Variants in REV3L observed in about 807,000 individuals in gnomAD.
The protein encoded by REV3L is DNA polymerase zeta catalytic subunit.
A neutral mutation model predicts 299.4 loss-of-function variants in REV3L; 69 were observed. The ratio of observed to expected loss-of-function variants is 0.23; its 90% CI spans 0.19 to 0.28. The LOEUF is 0.28. Among genes scored for constraint, REV3L ranks in the 10% least tolerant of loss-of-function variants. REV3L has a pLI of 1.00. For synonymous variants in REV3L, 1,238 were observed against 1,271.4 expected (o/e 0.97, Z 0.56); for missense variants, 3,128 against 3,693.8 (o/e 0.85, Z 3.97).
chr6:111,299,657 A>C lies in REV3L; in HGVS notation c.*359T>G, dbSNP rs2114663187. 6.2e-6 allele frequency: 1 copy of C among 160,502 alleles called. No homozygotes were observed. The highest frequency in any genetic ancestry group is 1.8e-4 in the East Asian group (1 of 5,530). 9.9% of individuals were successfully genotyped at this position (160,502 alleles called of 1,614,324 possible). A position where few individuals can be genotyped will look rare whatever the true frequency, so the allele number is the denominator to read the frequency against. ...TAACACGTCTTGATACAGACAGTTCAAGGAAAACACACAAATGCTTTTTCT... is the reference window on the plus strand; with the variant it reads ...TAACACGTCTTGATACAGACAGTTCCAGGAAAACACACAAATGCTTTTTCT... On this transcript the variant is annotated 3_prime_UTR_variant, in exon 32 of 32. Transcript: ENST00000368802.
chr6:111,483,194 C>T lies in REV3L; in HGVS notation c.-306G>A, dbSNP rs2128352072. The T allele has an allele frequency of 4.1e-6, 2 of 482,392 alleles. No homozygotes were observed. The highest frequency in any genetic ancestry group is 7.2e-6 in the Non-Finnish European group (2 of 277,680). The allele number at this position is 482,392 out of a possible 1,614,324, so 29.9% of individuals were successfully genotyped here. On this transcript the variant is annotated 5_prime_UTR_variant, in exon 1 of 32. Coordinates refer to ENST00000368802, the MANE Select transcript of REV3L (RefSeq NM_001372078.1). ...GGCTCCTCGGTCCCAGGCTGCAGCT[C>T]TTGTTGCCATGATGATGATGTCACG...
In REV3L at chr6:111,482,730, CGCGCCCG is replaced by C. The variant is rs764479140; in HGVS notation, c.139+13_139+19del. The C allele has an allele frequency of 1.4e-5, 19 of 1,335,996 alleles. No homozygotes were observed. Among genetic ancestry groups the C allele is most frequent in the Non-Finnish European group, 1.7e-5 (18 of 1,035,990 alleles). 82.8% of individuals were successfully genotyped at this position (1,335,996 alleles called of 1,614,324 possible). ...GCCCCGCCGACTCCCGCTCCCGCCC[CGCGCCCG>C]GCGCCCGCTTACCTGCCGGGGTCGC... On this transcript the variant is annotated intron_variant, in intron 1 of 31. Coordinates refer to ENST00000368802, the MANE Select transcript of REV3L (RefSeq NM_001372078.1).
At chr6:111,393,795 T>A (rs1228077047) in intron 4 of REV3L, among the ~76,000 whole-genome samples, 1 of 152,122 alleles carries the variant, frequency 6.6e-6, no homozygotes, top group Admixed American at 6.5e-5. Context: ...GCCTCCCATG[T>A]AGCTGAGACT....
intron 18 of REV3L, 57 bp from the exon 19 acceptor site, chr6:111,351,848 G>T: frequency 8.6e-7 from 1 of 1,157,022 alleles, no homozygotes; most frequent in Non-Finnish European, 1.3e-6. Context: ...CCTTTAACCA[G>T]AATAATTGTT....
intron 1 of REV3L, among the ~76,000 whole-genome samples, chr6:111,452,743 A>C (rs913871944): frequency 2.0e-5 from 3 of 152,218 alleles, no homozygotes; most frequent in African/African-American, 7.2e-5. Context: ...ATGACGGCAT[A>C]CGTTTGTCAT....
intron 1 of REV3L, among the ~76,000 whole-genome samples, chr6:111,474,605 G>A (rs1255421528): frequency 1.3e-5 from 2 of 152,106 alleles, no homozygotes; most frequent in South Asian, 2.1e-4. Flanking sequence ...GAACCCCAAC[G>A]CCTTCCTTCA....
Position 111,309,993 on chromosome 6 carries a change from G to A in REV3L, c.8902C>T (p.Arg2968Cys), listed in dbSNP as rs140606020. ...GGGTCCTGCAGGACTTCCACTGGGCGCCTTACAAGCTGGATAAGTGGTACT... is the reference window on the plus strand; with the variant it reads ...GGGTCCTGCAGGACTTCCACTGGGCACCTTACAAGCTGGATAAGTGGTACT... ...PGVPLIQLVR[R>C]PVEVLQDPTL... The change falls in exon 30 of 32, where the codon CGC (arginine) becomes TGC (cysteine). Residue 2968 changes from arginine (R) to cysteine (C), a missense_variant. Arg to Cys is a radical substitution (Grantham distance 180, BLOSUM62 -3). Around this residue, in one of 9 missense-constraint regions of REV3L, gnomAD observed 294 missense variants for 377.0 expected, o/e 0.78. Coordinates refer to ENST00000368802, the MANE Select transcript of REV3L (RefSeq NM_001372078.1). 6.2e-6 allele frequency: 10 copies of A among 1,613,672 alleles called. No homozygotes were observed. The highest frequency in any genetic ancestry group is 1.6e-4 in the Middle Eastern group (1 of 6,084).
intron 3 of REV3L, among the ~76,000 whole-genome samples, chr6:111,409,652 G>A (rs1420294945): frequency 6.6e-6 from 1 of 152,152 alleles, no homozygotes; most frequent in Non-Finnish European, 1.5e-5. Flanking sequence ...GGTAAGGCCT[G>A]AGTAGAGGAT....
chr6:111,448,911 C>A (rs1789180236), intron 1 of REV3L, among the ~76,000 whole-genome samples: 1 of 151,610 alleles, frequency 6.6e-6, no homozygotes, highest in Non-Finnish European at 1.5e-5. Context: ...AATCTTCCTG[C>A]CCCGGCCTCC....
In REV3L at chr6:111,435,777, C is replaced by G. The variant is rs192385258; in HGVS notation, c.140-19305G>C. ...GTGCAAAGATTTTTTTGGGTAAGAC[C>G]TCAAAAGCACAGGCAACCAAGCCAA... On this transcript the variant is annotated intron_variant, in intron 1 of 31. Transcript: ENST00000368802. Among the ~76,000 whole-genome samples, 383 of 152,178 alleles carry G rather than the reference C, an allele frequency of 2.5e-3. 1 individual carries two copies. Among genetic ancestry groups the G allele is most frequent in the Non-Finnish European group, 4.2e-3 (286 of 67,984 alleles).
rs565164953 is a variant in REV3L, at chr6:111,363,798, T to A, written c.6879+55A>T. On this transcript the variant is annotated intron_variant, in intron 16 of 31. Transcript: ENST00000368802. ...AAAATTCCATACTTGTTTTATAGAA[T>A]AAAACAGGAGTTAAACTGAACACAA... 14 of 1,567,562 alleles carry A rather than the reference T, an allele frequency of 8.9e-6. No homozygotes were observed. In the South Asian group the frequency reaches 1.7e-4, roughly 19 times the overall value.
At chr6:111,448,754 G>A (rs1432474710) in intron 1 of REV3L, among the ~76,000 whole-genome samples, 1 of 151,366 alleles carries the variant, frequency 6.6e-6, no homozygotes, top group Non-Finnish European at 1.5e-5. Context: ...TCCAGTGTAT[G>A]GGACTACAGG....
At chr6:111,349,584 GTTT>G (rs1337243733) in intron 19 of REV3L, among the ~76,000 whole-genome samples, 5 of 151,446 alleles carry the variant, frequency 3.3e-5, no homozygotes, top group Non-Finnish European at 4.4e-5. Flanking sequence ...TTTTTTGTTT[GTTT>G]TTTATGTTGC....
In REV3L at chr6:111,373,926, T is replaced by A. The variant is rs989674924; in HGVS notation, c.4429A>T (p.Arg1477Trp). 4 of 1,614,018 alleles carry A rather than the reference T, an allele frequency of 2.5e-6. No individual in the cohort carries two copies. Among genetic ancestry groups the A allele is most frequent in the African/African-American group, 1.3e-5 (1 of 74,954 alleles). ...TTTGACATATCTAAAATAAAGCCCC[T>A]TTGCTTTTGCTCCCATGCTATTTGT... ...IKQIAWEQKQ[R>W]GFILDMSNFK... is the part of the protein sequence containing the mutation. Residue 1477 changes from arginine (R) to tryptophan (W), a missense_variant, in exon 13 of 32, where the codon AGG becomes TGG. By Grantham distance (101) the Arg-to-Trp change is moderately radical. Transcript: ENST00000368802.
chr6:111,465,756 A>ACAAACAAAAAAAAAAAAAAAAC (rs199912630), intron 1 of REV3L, among the ~76,000 whole-genome samples: 4 of 146,992 alleles, frequency 2.7e-5, no homozygotes, highest in Non-Finnish European at 4.5e-5. Context: ...AAAAAAAAAA[A>ACAAACAAAAAAAAAAAAAAAAC]AAAAAAAAAA....
chr6:111,324,683 C>T (rs1054194381), intron 25 of REV3L, among the ~76,000 whole-genome samples: 18 of 152,062 alleles, frequency 1.2e-4, no homozygotes, highest in African/African-American at 4.3e-4. Flanking sequence ...AAGAATTCAG[C>T]AGCACTAGAG....
chr6:111,369,295 A>AC (rs1043335735), intron 13 of REV3L, among the ~76,000 whole-genome samples: 1 of 151,668 alleles, frequency 6.6e-6, no homozygotes, highest in African/African-American at 2.4e-5. Flanking sequence ...AAAAAAAAAA[A>AC]AAAAAAAAAA....
chr6:111,342,461 G>A (rs1278422359), intron 21 of REV3L, among the ~76,000 whole-genome samples: 1 of 152,096 alleles, frequency 6.6e-6, no homozygotes, highest in Non-Finnish European at 1.5e-5. Flanking sequence ...GAGGTCAGGA[G>A]ATCGAGCCCA....
intron 17 of REV3L, 115 bp from the exon 18 acceptor site, chr6:111,357,240 C>CAA: frequency 2.8e-6 from 1 of 354,268 alleles, no homozygotes; most frequent in Non-Finnish European, 4.9e-6. Flanking sequence ...TGAAATATTT[C>CAA]AAATTAAGAA....
Sources: gnomAD v4.1 joint callset for allele counts (sites outside exome capture counted in the v4.1 genomes callset) on GRCh38, gnomAD v4.1.1 for gene constraint, gnomAD v4.1.1 regional missense constraint, MANE v1.5 for transcripts, NCBI Gene and HGNC (gene_info 2026-07-23, HGNC 2026-07-21) for gene names.